The following CMSS1 variants were observed in gnomAD, a reference collection of about 807,000 sequenced individuals.
CMSS1 encodes the protein cms1 ribosomal small subunit homolog.
In CMSS1, 33 loss-of-function variants were observed where a neutral mutation model predicts 43.5. The ratio of observed to expected loss-of-function variants is 0.76; its 90% confidence interval spans 0.57 to 1.01. CMSS1 has a LOEUF of 1.01. Among genes scored for constraint, CMSS1 ranks in the 50% least tolerant of loss-of-function variants. The probability of loss-of-function intolerance (pLI) is 0.00; values close to 1 mark genes in which losing one functional copy is unlikely to be tolerated. For synonymous variants in CMSS1, 115 were observed against 117.2 expected, an observed-to-expected ratio of 0.98 and a Z score of 0.12; for missense variants, 313 against 326.4, an observed-to-expected ratio of 0.96 and a Z score of 0.32.
At chr3:100,051,949 T>C (rs899295077) in intron 1 of CMSS1, among the ~76,000 whole-genome samples, 1 of 149,284 alleles carries the variant, frequency 6.7e-6, no homozygotes, top group Admixed American at 6.7e-5. Context: ...AAGTATATTA[T>C]ATAAAATATT....
At chr3:100,038,690 G>A (rs1311600397) in intron 1 of CMSS1, among the ~76,000 whole-genome samples, 2 of 152,070 alleles carry the variant, frequency 1.3e-5, no homozygotes, top group African/African-American at 2.4e-5. Flanking sequence ...TAAAGGACAC[G>A]ATCTCAGTCC....
chr3:99,832,839 CAA>C (rs771543470), intron 1 of CMSS1, among the ~76,000 whole-genome samples: 10 of 47,478 alleles, frequency 2.1e-4, no homozygotes, highest in Non-Finnish European at 3.3e-4. Flanking sequence ...GACTCTGTCT[CAA>C]AAAAAAAAAA....
intron 1 of CMSS1, among the ~76,000 whole-genome samples, chr3:99,950,633 C>G (rs1708148155): frequency 6.6e-6 from 1 of 152,142 alleles, no homozygotes; most frequent in African/African-American, 2.4e-5. Flanking sequence ...ATGACTATCC[C>G]CACTCACCAT....
intron 1 of CMSS1, among the ~76,000 whole-genome samples, chr3:100,096,207 C>A (rs1301686090): frequency 6.6e-6 from 1 of 152,062 alleles, no homozygotes; most frequent in East Asian, 1.9e-4. Context: ...TTTGGAGGTT[C>A]CTCAGAAAAC....
At chr3:100,017,778 A>G (rs1369904251) in intron 1 of CMSS1, among the ~76,000 whole-genome samples, 2 of 152,180 alleles carry the variant, frequency 1.3e-5, no homozygotes, top group Non-Finnish European at 2.9e-5. Flanking sequence ...TACAAAAAAA[A>G]GAAACACTGG....
chr3:100,138,519 G>A (rs577096144), intron 1 of CMSS1, among the ~76,000 whole-genome samples: 1 of 152,204 alleles, frequency 6.6e-6, no homozygotes, highest in East Asian at 1.9e-4. Context: ...CCATCAAAAA[G>A]TAGGCAAAGG....
At position 99,931,027 on chromosome 3, in the gene CMSS1, A is replaced by C. The variant is rs1447803634; in HGVS notation, c.64+112984A>C. On this transcript the variant is annotated intron_variant, in intron 1 of 9. Coordinates refer to ENST00000421999, the MANE Select transcript of CMSS1 (RefSeq NM_032359.4). ...CACTGCCTCTGGAACGCATTCTTTA[A>C]AGCCTGGAAGGAGGGAAGAAAATTT... 1.9e-6 allele frequency: 3 copies of C among 1,611,398 alleles called. No individual in the cohort carries two copies. In the South Asian group the frequency reaches 3.3e-5, roughly 18 times the overall value.
intron 1 of CMSS1, among the ~76,000 whole-genome samples, chr3:99,902,838 G>A (rs1310574356): frequency 1.3e-5 from 2 of 152,136 alleles, no homozygotes; most frequent in East Asian, 3.8e-4. Context: ...TCCATGTGAA[G>A]ATAGTCTGAA....
At chr3:99,930,768 C>A in intron 1 of CMSS1, 1 of 1,613,100 alleles carries the variant, frequency 6.2e-7, no homozygotes, top group Non-Finnish European at 8.5e-7. Context: ...ACCCAGCTGA[C>A]CTGCAGTTCT....
chr3:99,917,505 C>CT (rs1242397469), intron 1 of CMSS1, among the ~76,000 whole-genome samples: 3 of 152,004 alleles, frequency 2.0e-5, no homozygotes, highest in African/African-American at 7.2e-5. Context: ...GATTTGGTGA[C>CT]TTTTTTTTAT....
At chr3:100,116,323 T>C (rs1382018719) in intron 1 of CMSS1, among the ~76,000 whole-genome samples, 5 of 152,234 alleles carry the variant, frequency 3.3e-5, no homozygotes. Context: ...TATATCAACA[T>C]GAGCTCATAA....
At chr3:100,102,003 C>A (rs138053058) in intron 1 of CMSS1, among the ~76,000 whole-genome samples, 2,393 of 152,296 alleles carry the variant, frequency 0.016, 57 homozygotes, top group African/African-American at 0.054. Context: ...GCCACATTTT[C>A]TTAATCCAGT....
chr3:99,883,756 G>A (rs1435390471), intron 1 of CMSS1, among the ~76,000 whole-genome samples: 1 of 152,160 alleles, frequency 6.6e-6, no homozygotes, highest in African/African-American at 2.4e-5. Flanking sequence ...CACATTTAAT[G>A]TTTAATTGAT....
At chr3:100,013,329 C>T (rs764297023) in intron 1 of CMSS1, among the ~76,000 whole-genome samples, 3 of 151,962 alleles carry the variant, frequency 2.0e-5, no homozygotes, top group Non-Finnish European at 4.4e-5. Flanking sequence ...CTGAATCCTC[C>T]ACTTCCCAGG....
intron 1 of CMSS1, among the ~76,000 whole-genome samples, chr3:99,999,192 C>G (rs1358338259): frequency 6.6e-6 from 1 of 152,052 alleles, no homozygotes; most frequent in Non-Finnish European, 1.5e-5. Context: ...TTTTAATGAT[C>G]TCTAGGTGAG....
chr3:100,098,639 T>C lies in CMSS1; in HGVS notation c.65-48334T>C, dbSNP rs2066253975. On this transcript the variant is annotated intron_variant, in intron 1 of 9. Coordinates refer to ENST00000421999, the MANE Select transcript of CMSS1 (RefSeq NM_032359.4). Reference sequence around the variant, plus strand: ...TTTTGTGCATATATTTCTTCCCTACTGGAGTATAAGTACCTACAGCCCTGA... The same window carrying C: ...TTTTGTGCATATATTTCTTCCCTACCGGAGTATAAGTACCTACAGCCCTGA... Among the ~76,000 whole-genome samples the C allele has an allele frequency of 2.0e-5, 3 of 152,224 alleles. No homozygotes were observed. In the South Asian group the frequency reaches 6.2e-4, roughly 31 times the overall value.
intron 4 of CMSS1, among the ~76,000 whole-genome samples, chr3:100,163,045 A>G (rs1265519897): frequency 2.6e-5 from 4 of 152,234 alleles, no homozygotes; most frequent in African/African-American, 9.6e-5. Context: ...TATATCAAAT[A>G]GTTTTAACTG....
At chr3:99,843,839 TC>T (rs1943241440) in intron 1 of CMSS1, among the ~76,000 whole-genome samples, 1 of 152,120 alleles carries the variant, frequency 6.6e-6, no homozygotes, top group African/African-American at 2.4e-5. Flanking sequence ...GAGCTCTGCC[TC>T]CTGTCAGATC....
chr3:100,074,272 A>G (rs998904889), intron 1 of CMSS1, among the ~76,000 whole-genome samples: 2 of 152,146 alleles, frequency 1.3e-5, no homozygotes, highest in Non-Finnish European at 2.9e-5. Flanking sequence ...CTGCTTTCCC[A>G]GGCCAGCTCC....
Sources: allele counts gnomAD v4.1 joint callset (sites outside exome capture counted in the v4.1 genomes callset), GRCh38; gene constraint gnomAD v4.1.1; transcripts MANE v1.5; gene names NCBI Gene and HGNC (gene_info 2026-07-23, HGNC 2026-07-21).